Variants in STAM observed in about 807,000 individuals in gnomAD.
STAM encodes signal transducing adaptor molecule, also known as signal transducing adapter molecule 1.
Under a neutral mutation model 63.4 loss-of-function variants are expected in STAM, and 16 were observed. The observed-to-expected ratio is 0.25, with a 90% CI of 0.17 to 0.38. The LOEUF (loss-of-function observed/expected upper bound fraction) is 0.38, where lower values mean the gene tolerates loss of function less well. Ranked by LOEUF, STAM falls within the 10% of genes least tolerant of loss-of-function variation. STAM has a pLI of 1.00. For synonymous variants in STAM, 238 were observed against 223.9 expected (o/e 1.06, Z -0.56); for missense variants, 636 against 657.1 (o/e 0.97, Z 0.35).
chr10:17,709,871 G>A (rs971743586), intron 13 of STAM, among the ~76,000 whole-genome samples: 1 of 149,262 alleles, frequency 6.7e-6, no homozygotes, highest in African/African-American at 2.5e-5. Flanking sequence ...ACCTTAAGGG[G>A]GATGATGGCA....
At chr10:17,667,681 C>A (rs546336382) in intron 2 of STAM, among the ~76,000 whole-genome samples, 62 of 152,132 alleles carry the variant, frequency 4.1e-4, no homozygotes, top group Non-Finnish European at 6.9e-4. Context: ...TGGTCAATAG[C>A]TAAGAAGCTA....
chr10:17,651,889 T>G (rs773584415), intron 1 of STAM, among the ~76,000 whole-genome samples: 26 of 152,222 alleles, frequency 1.7e-4, no homozygotes, highest in Non-Finnish European at 3.1e-4. Context: ...TCAGCATTTC[T>G]TACCTCCCCA....
intron 2 of STAM, among the ~76,000 whole-genome samples, chr10:17,676,961 A>T (rs1430700050): frequency 3.9e-5 from 6 of 152,158 alleles, no homozygotes; most frequent in African/African-American, 1.4e-4. Context: ...TGAATTAAAA[A>T]TGCATAGGAC....
intron 1 of STAM, among the ~76,000 whole-genome samples, chr10:17,651,783 T>G (rs187794353): frequency 6.6e-6 from 1 of 152,322 alleles, no homozygotes; most frequent in Non-Finnish European, 1.5e-5. Context: ...TCAGACTTAC[T>G]TTTCCATTGG....
At chr10:17,667,747 G>T (rs1238085785) in intron 2 of STAM, among the ~76,000 whole-genome samples, 2 of 152,206 alleles carry the variant, frequency 1.3e-5, no homozygotes, top group African/African-American at 4.8e-5. Flanking sequence ...AGGGGGTTAC[G>T]TTTATGCTAT....
At chr10:17,693,127 A>G in intron 5 of STAM, 95 bp from the exon 6 acceptor site, 1 of 979,802 alleles carries the variant, frequency 1.0e-6, no homozygotes, top group Non-Finnish European at 1.6e-6. Flanking sequence ...AATCTGTGCT[A>G]GATTGATGAG....
intron 9 of STAM, among the ~76,000 whole-genome samples, chr10:17,701,504 G>A (rs1331480037): frequency 6.6e-6 from 1 of 152,136 alleles, no homozygotes; most frequent in Non-Finnish European, 1.5e-5. Context: ...ATATTGTTTG[G>A]CTGCTTTTGT....
intron 5 of STAM, among the ~76,000 whole-genome samples, chr10:17,691,768 G>A (rs950432278): frequency 6.6e-6 from 1 of 152,180 alleles, no homozygotes; most frequent in Non-Finnish European, 1.5e-5. Context: ...GTTCCAGTCA[G>A]TGTTCTAAGT....
chr10:17,698,109 G>A (rs1339787919), intron 8 of STAM, among the ~76,000 whole-genome samples: 5 of 152,136 alleles, frequency 3.3e-5, no homozygotes, highest in Admixed American at 2.0e-4. Flanking sequence ...AGAAATTACA[G>A]ATCTTTAAGA....
chr10:17,659,718 C>T (rs1834087831), intron 1 of STAM, among the ~76,000 whole-genome samples: 1 of 152,002 alleles, frequency 6.6e-6, no homozygotes, highest in Admixed American at 6.6e-5. Flanking sequence ...CCACCTCGGC[C>T]TCCCAAAATG....
At chr10:17,656,442 C>CCATTGACT (rs2131574423) in intron 1 of STAM, among the ~76,000 whole-genome samples, 1 of 152,110 alleles carries the variant, frequency 6.6e-6, no homozygotes, top group African/African-American at 2.4e-5. Flanking sequence ...GTCTGGTGGG[C>CCATTGACT]CATTGACTAT....
At chr10:17,676,044 A>G (rs1333496236) in intron 2 of STAM, among the ~76,000 whole-genome samples, 2 of 152,180 alleles carry the variant, frequency 1.3e-5, no homozygotes, top group Non-Finnish European at 2.9e-5. Context: ...TAAAAAAAAA[A>G]TCTGTCCTTT....
chr10:17,688,611 T>C (rs1324117330), intron 5 of STAM, among the ~76,000 whole-genome samples: 2 of 151,684 alleles, frequency 1.3e-5, no homozygotes, highest in African/African-American at 4.8e-5. Flanking sequence ...TACATGCACG[T>C]GCAGCCAGAC....
chr10:17,684,577 GTC>G (rs1280883156), intron 2 of STAM, 96 bp from the exon 3 acceptor site: 1 of 843,650 alleles, frequency 1.2e-6, no homozygotes, highest in Admixed American at 2.8e-5. Flanking sequence ...CTTTATCATA[GTC>G]TCCCTTTTTA....
intron 1 of STAM, among the ~76,000 whole-genome samples, chr10:17,658,388 G>A (rs1194792479): frequency 6.6e-6 from 1 of 152,054 alleles, no homozygotes; most frequent in Non-Finnish European, 1.5e-5. Context: ...ATGAGAGCTT[G>A]GGAAGAATGT....
chr10:17,685,146 C>T (rs1009737270), intron 4 of STAM, among the ~76,000 whole-genome samples: 1 of 152,088 alleles, frequency 6.6e-6, no homozygotes, highest in Non-Finnish European at 1.5e-5. Flanking sequence ...TGTTTTTAAC[C>T]TGTTCTTTTC....
At chr10:17,692,633 G>GT (rs782098791) in intron 5 of STAM, among the ~76,000 whole-genome samples, 10 of 152,196 alleles carry the variant, frequency 6.6e-5, no homozygotes, top group Non-Finnish European at 1.2e-4. Context: ...TGAATTATAT[G>GT]TTTGTTGTGT....
At chr10:17,654,230 T>TTATTAG (rs1406117860) in intron 1 of STAM, among the ~76,000 whole-genome samples, 7 of 151,864 alleles carry the variant, frequency 4.6e-5, no homozygotes, top group Admixed American at 3.9e-4. Flanking sequence ...ATTATTATTA[T>TTATTAG]TATTATTTTT....
At chr10:17,680,275 C>T (rs1402375964) in intron 2 of STAM, among the ~76,000 whole-genome samples, 4 of 152,084 alleles carry the variant, frequency 2.6e-5, no homozygotes, top group African/African-American at 9.7e-5. Flanking sequence ...ATGTTGTGAA[C>T]TCTAGTCCCC....
Sources: gnomAD v4.1 joint callset for allele counts (sites outside exome capture counted in the v4.1 genomes callset) on GRCh38, gnomAD v4.1.1 for gene constraint, MANE v1.5 for transcripts, NCBI Gene and HGNC (gene_info 2026-07-23, HGNC 2026-07-21) for gene names.